The following ZNF626 variants were observed in gnomAD, a reference collection of about 807,000 sequenced individuals.
The protein encoded by ZNF626 is CTC-513N18.7.
ZNF626 carries 4 observed loss-of-function variants against 11.7 expected under a neutral mutation model. That is an observed-to-expected ratio of 0.34 (90% CI 0.17 to 0.78). ZNF626 has a LOEUF of 0.78. Among genes scored for constraint, ZNF626 ranks in the 30% least tolerant of loss-of-function variants. The pLI is 0.57. For missense variants in ZNF626, 588 were observed against 587.1 expected (o/e 1.00, Z -0.01); for synonymous variants, 179 against 198.6 (o/e 0.90, Z 0.83).
chr19:20,648,851 A>T (rs1373164407), intron 1 of ZNF626, among the ~76,000 whole-genome samples: 2 of 152,244 alleles, frequency 1.3e-5, no homozygotes, highest in African/African-American at 4.8e-5. Context: ...ATTGCAGATC[A>T]TAAATTCTTG....
chr19:20,647,620 G>A (rs1392401622), intron 1 of ZNF626, among the ~76,000 whole-genome samples: 2 of 151,390 alleles, frequency 1.3e-5, no homozygotes, highest in African/African-American at 4.8e-5. Context: ...CCGAGTAGCT[G>A]GGACTACAGG....
At chr19:20,655,261 G>T (rs535029009) in intron 1 of ZNF626, among the ~76,000 whole-genome samples, 7 of 152,102 alleles carry the variant, frequency 4.6e-5, no homozygotes, top group African/African-American at 9.7e-5. Context: ...TCTTGCTTTC[G>T]CAGTATAAGT....
intron 1 of ZNF626, among the ~76,000 whole-genome samples, chr19:20,658,795 A>G (rs573600778): frequency 6.6e-6 from 1 of 152,220 alleles, no homozygotes; most frequent in South Asian, 2.1e-4. Flanking sequence ...GGGTCCCACA[A>G]CATTGTCCTC....
Position 20,624,354 on chromosome 19 carries a change from G to C in ZNF626, c.1523C>G (p.Ser508Cys). ...CTTTGCCACATTCTTCACATTTGTA[G>C]AATTTCTCTCCAGTATGATTCTCTC... ...THERIILERN[S>C]TNVKNVAKPS... The change falls in exon 4 of 4, where the codon TCT becomes TGT. Residue 508 changes from serine (S) to cysteine (C), a missense_variant. Physicochemically the swap from Ser to Cys is moderately radical, Grantham distance 112. Transcript: ENST00000601440. 2.8e-6 allele frequency: 4 copies of C among 1,431,702 alleles called. No homozygotes were observed. The highest frequency in any genetic ancestry group is 1.3e-5 in the South Asian group (1 of 77,122). The allele number at this position is 1,431,702 out of a possible 1,614,324, so 88.7% of individuals were successfully genotyped here.
intron 3 of ZNF626, among the ~76,000 whole-genome samples, chr19:20,627,028 C>T (rs1205355437): frequency 6.6e-6 from 1 of 150,922 alleles, no homozygotes; most frequent in Non-Finnish European, 1.5e-5. Flanking sequence ...GAAAAACTAA[C>T]TAAATAAATA....
chr19:20,646,886 T>C (rs1970085562), intron 1 of ZNF626, among the ~76,000 whole-genome samples: 1 of 152,142 alleles, frequency 6.6e-6, no homozygotes, highest in Non-Finnish European at 1.5e-5. Context: ...TCGCTCTTGT[T>C]GCCCAAGCTG....
In ZNF626 at chr19:20,656,838, T is replaced by C. The variant is rs181855975; in HGVS notation, c.3+4606A>G. On this transcript the variant is annotated intron_variant, in intron 1 of 3. Coordinates refer to ENST00000601440, the MANE Select transcript of ZNF626 (RefSeq NM_001076675.3). ...CAGAGAAAAGGGAATGCTTATACTCTTCTGGTGGGAGTGTAAATTAGTTCA... is the reference window on the plus strand; with the variant it reads ...CAGAGAAAAGGGAATGCTTATACTCCTCTGGTGGGAGTGTAAATTAGTTCA... Among the ~76,000 whole-genome samples, 321 of 152,294 alleles carry C rather than the reference T, an allele frequency of 2.1e-3. 1 individual carries two copies. The highest frequency in any genetic ancestry group is 6.0e-3 in the Admixed American group (91 of 15,294).
chr19:20,643,483 T>A (rs1195084530), intron 3 of ZNF626, among the ~76,000 whole-genome samples: 1 of 152,172 alleles, frequency 6.6e-6, no homozygotes, highest in Non-Finnish European at 1.5e-5. Context: ...TATGGAGTGC[T>A]TACTAATTAT....
rs782322875 is a variant in ZNF626 at position 20,625,531 on chromosome 19, C to A, written c.346G>T (p.Gly116Ter). The A allele has an allele frequency of 1.9e-6, 3 of 1,613,210 alleles. No individual in the cohort carries two copies. The highest frequency in any genetic ancestry group is 2.5e-6 in the Non-Finnish European group (3 of 1,179,764). The change falls in exon 4 of 4, where the codon GGA becomes TGA. Residue 116 changes from glycine (G) to a stop codon, truncating the protein, a stop_gained. Transcript: ENST00000601440. LOFTEE classifies it low-confidence loss of function (END_TRUNC). ...TTACACTCATCCACACTTATACATC[C>A]TTTTTTTAACTGTAAATTGTCATGT... ...CEHDNLQLKKGCISVDECKVH... is the reference protein window; with the variant it reads ...CEHDNLQLKK
At chr19:20,648,775 C>T (rs572297280) in intron 1 of ZNF626, among the ~76,000 whole-genome samples, 17 of 152,272 alleles carry the variant, frequency 1.1e-4, no homozygotes, top group Non-Finnish European at 1.8e-4. Context: ...CACAGTTTTC[C>T]CCAATAGAAA....
intron 3 of ZNF626, among the ~76,000 whole-genome samples, chr19:20,641,162 G>C: frequency 6.8e-6 from 1 of 147,358 alleles, no homozygotes; most frequent in Non-Finnish European, 1.5e-5. Flanking sequence ...AGCAACACAG[G>C]ACCTGGAAGA....
rs1555769265 is a variant in ZNF626 at position 20,624,712 on chromosome 19, T to C, written c.1165A>G (p.Ile389Val). ...KRSSDLTTHK[I>V]IHTGEKPYKC... The stretch of plus-strand genomic sequence containing the variant: ...TAGGGTTTCTCTCCAGTATGAATTA[T>C]CTTATGCGTAGTAAGGTCTGAAGAC... The change falls in exon 4 of 4, where the codon ATA becomes GTA. Residue 389 changes from isoleucine (I) to valine (V), a missense_variant. Physicochemically the swap from Ile to Val is conservative, Grantham distance 29. Coordinates refer to ENST00000601440, the MANE Select transcript of ZNF626 (RefSeq NM_001076675.3). 3.7e-6 allele frequency: 6 copies of C among 1,610,068 alleles called. No homozygotes were observed. The highest frequency in any genetic ancestry group is 5.1e-6 in the Non-Finnish European group (6 of 1,178,160).
At chr19:20,660,433 TTTC>T (rs1358284505) in intron 1 of ZNF626, among the ~76,000 whole-genome samples, 1 of 152,112 alleles carries the variant, frequency 6.6e-6, no homozygotes, top group Non-Finnish European at 1.5e-5. Flanking sequence ...TTACTTTTTT[TTTC>T]TTTTTTTTGA....
chr19:20,625,026 G>A lies in ZNF626; in HGVS notation c.851C>T (p.Pro284Leu). ...KHEIIHTEKK[P>L]YKCEECGKAF... ...TTTGCCACATTCTTCACATTTGTAGGGTTTCTTTTCCGTATGAATTATCTC... is the reference window on the plus strand; with the variant it reads ...TTTGCCACATTCTTCACATTTGTAGAGTTTCTTTTCCGTATGAATTATCTC... The change falls in exon 4 of 4, where the codon CCC becomes CTC. Residue 284 changes from proline (P) to leucine (L), a missense_variant. Physicochemically the swap from Pro to Leu is moderately conservative, Grantham distance 98 (BLOSUM62 -3). This residue lies in a region of ZNF626 where 524 missense variants were observed against 470.1 expected (regional missense o/e 1.11). Transcript: ENST00000601440. 1.9e-6 allele frequency: 3 copies of A among 1,613,812 alleles called. No homozygotes were observed. Among genetic ancestry groups the A allele is most frequent in the South Asian group, 2.2e-5 (2 of 91,054 alleles).
chr19:20,646,940 C>T (rs1204407722), intron 1 of ZNF626, among the ~76,000 whole-genome samples: 2 of 152,068 alleles, frequency 1.3e-5, no homozygotes, highest in Non-Finnish European at 2.9e-5. Context: ...CTCCGCCTCC[C>T]GGGTTCAAGC....
intron 1 of ZNF626, among the ~76,000 whole-genome samples, chr19:20,649,195 T>C (rs1166147963): frequency 6.6e-6 from 1 of 152,188 alleles, no homozygotes; most frequent in East Asian, 1.9e-4. Context: ...CTTGAGACTA[T>C]GTCTTTAAAG....
In ZNF626 at chr19:20,625,078, T is replaced by C. The variant is rs1411183091; in HGVS notation, c.799A>G (p.Met267Val). The change falls in exon 4 of 4, where the codon ATG becomes GTG. Residue 267 changes from methionine to valine, a missense_variant. Physicochemically the swap from Met to Val is conservative, Grantham distance 21 (BLOSUM62 1). Around this residue, in one of 4 missense-constraint regions of ZNF626, gnomAD observed 524 missense variants for 470.1 expected, o/e 1.11. Transcript: ENST00000601440. ...TGTTTACTAAGGGTTGAGGATGACA[T>C]AAAGGCTTTGCCACATTTATCACAC... The part of the protein sequence containing the change: ...YKCDKCGKAF[M>V]SSSTLSKHEI... The C allele has an allele frequency of 3.7e-6, 6 of 1,613,504 alleles. No homozygotes were observed. The highest frequency in any genetic ancestry group is 2.2e-5 in the East Asian group (1 of 44,868).
Position 20,624,095 on chromosome 19 carries a change from A to T in ZNF626, c.*195T>A. Reference sequence around the variant, plus strand: ...TGAAAAGCTTTACCACATTATTCACATCTGTAGGGTTTCTCTCCAGTATGA... The same window carrying T: ...TGAAAAGCTTTACCACATTATTCACTTCTGTAGGGTTTCTCTCCAGTATGA... On this transcript the variant is annotated 3_prime_UTR_variant, in exon 4 of 4. Coordinates refer to ENST00000601440, the MANE Select transcript of ZNF626 (RefSeq NM_001076675.3). 1.1e-6 allele frequency: 1 copy of T among 940,166 alleles called. No individual in the cohort carries two copies. The highest frequency in any genetic ancestry group is 1.7e-6 in the Non-Finnish European group (1 of 572,810). 58.2% of individuals were successfully genotyped at this position (940,166 alleles called of 1,614,324 possible). A position where few individuals can be genotyped will look rare whatever the true frequency, so the allele number is the denominator to read the frequency against.
intron 3 of ZNF626, among the ~76,000 whole-genome samples, chr19:20,630,265 C>T (rs530147823): frequency 2.6e-5 from 4 of 152,266 alleles, no homozygotes; most frequent in Admixed American, 1.3e-4. Flanking sequence ...CTCTGCCAGG[C>T]TTTGGTATCA....
Sources: gnomAD v4.1 joint callset for allele counts (sites outside exome capture counted in the v4.1 genomes callset) on GRCh38, gnomAD v4.1.1 for gene constraint, gnomAD v4.1.1 regional missense constraint, MANE v1.5 for transcripts, NCBI Gene and HGNC (gene_info 2026-07-23, HGNC 2026-07-21) for gene names.